The following GLYATL1 variants were observed in gnomAD, a reference collection of about 807,000 sequenced individuals.
GLYATL1 encodes glycine-N-acyltransferase like 1.
In GLYATL1, 15 loss-of-function variants were observed where a neutral mutation model predicts 20.0. The observed-to-expected ratio is 0.75, with a 90% CI of 0.50 to 1.15. GLYATL1 has a LOEUF of 1.15. Among genes scored for constraint, GLYATL1 ranks in the 50% most tolerant of loss-of-function variants. The pLI is 0.00. For missense variants in GLYATL1, 380 were observed against 368.5 expected, an observed-to-expected ratio of 1.03 and a Z score of -0.26; for synonymous variants, 151 against 131.5, an observed-to-expected ratio of 1.15 and a Z score of -1.01.
chr11:58,905,651 A>T (rs1239035386), exon 1 of GLYATL1: 1 of 454,856 alleles, frequency 2.2e-6, no homozygotes, highest in African/African-American at 2.0e-5. Context: ...GTGACTGCTT[A>T]GTTTATCCTG....
At chr11:58,935,628 C>T (rs567208211), upstream of GLYATL1, 1 of 152,256 alleles carries the variant, frequency 6.6e-6, no homozygotes, top group African/African-American at 2.4e-5. Context: ...TGTCCAGTTT[C>T]ACGGCATCCA....
intron 2 of GLYATL1, among the ~76,000 whole-genome samples, chr11:58,946,609 A>G (rs1280115568): frequency 6.6e-6 from 1 of 152,228 alleles, no homozygotes; most frequent in Non-Finnish European, 1.5e-5. Flanking sequence ...AAGAAAATCT[A>G]TGCCTACTCC....
At position 58,915,989 on chromosome 11, in the gene GLYATL1, G is replaced by A. The variant is rs146881645; in HGVS notation, n.264+10328G>A. ...GTGGGCTGCCTGCCTCTCTGAATGA[G>A]CCAGATAATTTGATTTACCCTATTT... On this transcript the variant is annotated intron_variant and non_coding_transcript_variant, in intron 1 of 2. Transcript: ENST00000534674. Among the ~76,000 whole-genome samples the A allele has an allele frequency of 3.3e-5, 5 of 152,300 alleles. No individual in the cohort carries two copies. In the East Asian group the frequency reaches 9.7e-4, roughly 29 times the overall value.
intron 1 of GLYATL1, among the ~76,000 whole-genome samples, chr11:58,940,257 A>G (rs1856043921): frequency 6.6e-6 from 1 of 152,206 alleles, no homozygotes; most frequent in Admixed American, 6.5e-5. Flanking sequence ...TTTGGACTTT[A>G]AAAATTAAAC....
chr11:58,915,506 G>A (rs1288558608), intron 1 of GLYATL1, among the ~76,000 whole-genome samples: 3 of 152,186 alleles, frequency 2.0e-5, no homozygotes, highest in African/African-American at 7.2e-5. Flanking sequence ...TAAGGTAGCT[G>A]GGCCTGGCCA....
intron 4 of GLYATL1, among the ~76,000 whole-genome samples, chr11:58,949,681 C>CAA (rs891818409): frequency 1.4e-5 from 2 of 145,270 alleles, no homozygotes; most frequent in Admixed American, 6.9e-5. Flanking sequence ...CATATAAGAC[C>CAA]AAAAAAAAAA....
At chr11:58,921,292 G>A (rs907781165) in intron 1 of GLYATL1, among the ~76,000 whole-genome samples, 6 of 152,144 alleles carry the variant, frequency 3.9e-5, no homozygotes, top group Admixed American at 3.9e-4. Context: ...CTTGGATAGT[G>A]GCCTTATAGG....
At chr11:58,954,355 G>A (rs1024709293) in intron 4 of GLYATL1, among the ~76,000 whole-genome samples, 4 of 152,320 alleles carry the variant, frequency 2.6e-5, no homozygotes, top group Admixed American at 1.3e-4. Context: ...TTTGGCACAG[G>A]TGGTAAGAGA....
downstream of GLYATL1, among the ~76,000 whole-genome samples, chr11:58,911,304 G>T (rs943790598): frequency 2.0e-5 from 3 of 152,166 alleles, no homozygotes; most frequent in Non-Finnish European, 4.4e-5. Flanking sequence ...ACAGGTTTTT[G>T]TATGAAGGTT....
chr11:58,949,371 C>T (rs1856808718), intron 4 of GLYATL1, among the ~76,000 whole-genome samples: 2 of 152,186 alleles, frequency 1.3e-5, no homozygotes, highest in African/African-American at 2.4e-5. Context: ...CCAGGCTGAG[C>T]CTAACACCTT....
At chr11:58,936,911 A>C (rs756034196), upstream of GLYATL1, among the ~76,000 whole-genome samples, 6 of 152,160 alleles carry the variant, frequency 3.9e-5, no homozygotes, top group Admixed American at 6.5e-5. Context: ...GTTTAGCATG[A>C]CTTGTTCTCT....
At chr11:58,923,102 C>T (rs944698108), upstream of GLYATL1, among the ~76,000 whole-genome samples, 11 of 152,210 alleles carry the variant, frequency 7.2e-5, no homozygotes, top group Non-Finnish European at 1.6e-4. Flanking sequence ...TGGCACAGCA[C>T]ACTTGCTCAG....
chr11:58,946,396 G>A (rs1278477606), intron 2 of GLYATL1, among the ~76,000 whole-genome samples: 3 of 152,212 alleles, frequency 2.0e-5, no homozygotes, highest in African/African-American at 7.2e-5. Flanking sequence ...ATCAGCCTAA[G>A]CTTTGAACCT....
intron 2 of GLYATL1, among the ~76,000 whole-genome samples, chr11:58,945,161 A>G (rs56188076): frequency 3.8e-4 from 58 of 151,944 alleles, no homozygotes; most frequent in African/African-American, 1.4e-3. Flanking sequence ...ATGGATAAGC[A>G]CCATGAATGT....
intron 1 of GLYATL1, among the ~76,000 whole-genome samples, chr11:58,921,405 G>A (rs185170881): frequency 2.6e-5 from 4 of 152,254 alleles, no homozygotes; most frequent in African/African-American, 9.6e-5. Flanking sequence ...CCAAAGAGAA[G>A]GAGCCCGGTC....
At chr11:58,928,007 T>C (rs1855473969) in intron 1 of GLYATL1, among the ~76,000 whole-genome samples, 1 of 152,218 alleles carries the variant, frequency 6.6e-6, no homozygotes, top group South Asian at 2.1e-4. Flanking sequence ...TGGGACTTGC[T>C]GCCTTTGCAA....
chr11:58,951,808 T>G (rs1056972677), intron 4 of GLYATL1, among the ~76,000 whole-genome samples: 6 of 152,170 alleles, frequency 3.9e-5, no homozygotes, highest in African/African-American at 1.4e-4. Context: ...CTGAGCATTA[T>G]TATTTTGTTA....
exon 1 of GLYATL1, chr11:58,905,525 G>C (rs1378218504): frequency 2.2e-6 from 1 of 456,256 alleles, no homozygotes; most frequent in African/African-American, 2.0e-5. Flanking sequence ...GCAATCAAAA[G>C]GCGGAAAAAG....
At chr11:58,949,829 G>A (rs928978725) in intron 4 of GLYATL1, among the ~76,000 whole-genome samples, 1 of 151,914 alleles carries the variant, frequency 6.6e-6, no homozygotes, top group Admixed American at 6.6e-5. Context: ...TGGGATGCAG[G>A]AGAATTTATC....
Sources: allele counts gnomAD v4.1 joint callset (sites outside exome capture counted in the v4.1 genomes callset), GRCh38; gene constraint gnomAD v4.1.1; transcripts MANE v1.5; gene names NCBI Gene and HGNC (gene_info 2026-07-23, HGNC 2026-07-21).